Variants in SCD5 observed in about 807,000 individuals in gnomAD.
SCD5 encodes acyl-CoA-desaturase 4.
A neutral mutation model predicts 30.4 loss-of-function variants in SCD5; 20 were observed. The ratio of observed to expected loss-of-function variants is 0.66; its 90% CI spans 0.46 to 0.96. The LOEUF is 0.96. Ranked by LOEUF, SCD5 falls within the 40% of genes least tolerant of loss-of-function variation. SCD5 has a pLI of 0.00. For missense variants in SCD5, 381 were observed against 443.3 expected (o/e 0.86, Z 1.26); for synonymous variants, 173 against 176.4 (o/e 0.98, Z 0.16).
At chr4:82,734,482 T>C (rs1421756452) in intron 1 of SCD5, among the ~76,000 whole-genome samples, 2 of 152,216 alleles carry the variant, frequency 1.3e-5, no homozygotes, top group Admixed American at 6.5e-5. Context: ...TGTGCTATTC[T>C]AGCTTGTGTT....
Position 82,798,792 on chromosome 4 carries a change from G to T in SCD5, c.-255C>A, listed in dbSNP as rs575220472. The T allele has an allele frequency of 4.8e-5, 21 of 436,270 alleles. No individual in the cohort carries two copies. The highest frequency in any genetic ancestry group is 5.9e-4 in the Middle Eastern group (1 of 1,682). The allele number at this position is 436,270 out of a possible 1,614,324, so 27.0% of individuals were successfully genotyped here. On this transcript the variant is annotated 5_prime_UTR_variant, in exon 1 of 5. Transcript: ENST00000319540. ...ATGGCTGCCCGGGCTGAACTCGGCC[G>T]CGAGAAAGAGGAGGCGCGCGCGGGG...
At chr4:82,730,667 G>A (rs1289916889) in intron 1 of SCD5, among the ~76,000 whole-genome samples, 1 of 135,926 alleles carries the variant, frequency 7.4e-6, no homozygotes, top group Non-Finnish European at 1.5e-5. Flanking sequence ...CTCACTGCAT[G>A]CTCTGCCTCC....
intron 2 of SCD5, among the ~76,000 whole-genome samples, chr4:82,700,787 T>TAA (rs70938305): frequency 3.0e-4 from 19 of 63,802 alleles, no homozygotes; most frequent in South Asian, 8.2e-4. Context: ...ACCCTGTCTC[T>TAA]AAAAAAAAAA....
intron 1 of SCD5, among the ~76,000 whole-genome samples, chr4:82,707,122 A>G (rs887303778): frequency 1.3e-5 from 2 of 152,248 alleles, no homozygotes; most frequent in Non-Finnish European, 2.9e-5. Context: ...GATGCTTACT[A>G]GCTGCATCTG....
In SCD5 at chr4:82,756,814, C is replaced by T. The variant is rs575949062; in HGVS notation, c.232+41492G>A. Among the ~76,000 whole-genome samples the T allele has an allele frequency of 2.2e-4, 34 of 152,236 alleles. No homozygotes were observed. In the South Asian group the frequency reaches 6.6e-3, roughly 30 times the overall value. ...TCTCCTTGTCTGTAGTCTTGCCCCC[C>T]TCAAATCCATCCTCCATAGAGCCAC... is the stretch of plus-strand genomic sequence containing the variant. On this transcript the variant is annotated intron_variant, in intron 1 of 4. Transcript: ENST00000319540.
rs1720122902 is a variant in SCD5, at chr4:82,712,291, TA to T, written c.233-6879del. On this transcript the variant is annotated intron_variant, in intron 1 of 4. Transcript: ENST00000319540. ...ATATATATATATATATATATATATA[TA>T]TATATTTTATTTTTATTTTATTTTT... Among the ~76,000 whole-genome samples the T allele has an allele frequency of 2.6e-4, 12 of 46,952 alleles. 1 individual carries two copies. The highest frequency in any genetic ancestry group is 4.5e-4 in the Non-Finnish European group (11 of 24,392). The allele number at this position is 46,952 out of a possible 152,430, so 30.8% of individuals were successfully genotyped here. A position where few individuals can be genotyped will look rare whatever the true frequency, so the allele number is the denominator to read the frequency against.
chr4:82,783,876 C>A, intron 1 of SCD5, among the ~76,000 whole-genome samples: 1 of 150,820 alleles, frequency 6.6e-6, no homozygotes, highest in African/African-American at 2.4e-5. Flanking sequence ...AAGAAATGTC[C>A]AGATTTTGAT....
intron 3 of SCD5, among the ~76,000 whole-genome samples, chr4:82,647,506 A>G (rs566391749): frequency 1.3e-5 from 2 of 152,322 alleles, no homozygotes; most frequent in South Asian, 4.1e-4. Context: ...GGTAAAAATG[A>G]ACAGGCTGAT....
intron 2 of SCD5, among the ~76,000 whole-genome samples, chr4:82,683,120 G>A (rs552288963): frequency 5.9e-5 from 9 of 152,288 alleles, no homozygotes; most frequent in Middle Eastern, 3.4e-3. Context: ...GTTCAGCTTT[G>A]AATATAAAGA....
chr4:82,631,636 A>C, intron 4 of SCD5, 119 bp from the exon 5 acceptor site: 1 of 1,045,944 alleles, frequency 9.6e-7, no homozygotes, highest in Non-Finnish European at 1.4e-6. Flanking sequence ...CTCTGTGAGG[A>C]GCAAAAGACT....
At chr4:82,743,875 C>T (rs1440418082) in intron 1 of SCD5, among the ~76,000 whole-genome samples, 1 of 151,734 alleles carries the variant, frequency 6.6e-6, no homozygotes, top group East Asian at 2.0e-4. Context: ...CTATGACCCA[C>T]GCTGGGTTGC....
intron 1 of SCD5, among the ~76,000 whole-genome samples, chr4:82,787,543 T>C (rs1380348834): frequency 1.3e-5 from 2 of 152,208 alleles, no homozygotes; most frequent in African/African-American, 2.4e-5. Context: ...TCTGTTTCAT[T>C]TGGCTCTTTT....
intron 2 of SCD5, chr4:82,692,202 G>T: frequency 1.3e-5 from 2 of 157,658 alleles, no homozygotes; most frequent in South Asian, 3.6e-4. Flanking sequence ...TGGCCATGCT[G>T]ACCGACGCCA....
At chr4:82,682,684 T>C (rs1459265347) in intron 2 of SCD5, among the ~76,000 whole-genome samples, 1 of 152,226 alleles carries the variant, frequency 6.6e-6, no homozygotes, top group Non-Finnish European at 1.5e-5. Flanking sequence ...TCTTGCTCTA[T>C]TGCCCAGGCT....
intron 1 of SCD5, among the ~76,000 whole-genome samples, chr4:82,736,505 G>A (rs1437113700): frequency 2.0e-5 from 3 of 151,910 alleles, no homozygotes; most frequent in Non-Finnish European, 4.4e-5. Flanking sequence ...CTACTCAGGA[G>A]GCTGAGGCAG....
At chr4:82,748,044 A>G (rs1721029790) in intron 1 of SCD5, among the ~76,000 whole-genome samples, 1 of 152,232 alleles carries the variant, frequency 6.6e-6, no homozygotes, top group East Asian at 1.9e-4. Flanking sequence ...GATTTAAGTG[A>G]AAGCTTTTGT....
intron 3 of SCD5, among the ~76,000 whole-genome samples, chr4:82,642,208 C>T (rs1260446140): frequency 6.6e-6 from 1 of 152,080 alleles, no homozygotes; most frequent in Non-Finnish European, 1.5e-5. Flanking sequence ...TGGGCCTTCC[C>T]CACAGCCACA....
intron 1 of SCD5, among the ~76,000 whole-genome samples, chr4:82,756,031 G>T (rs1464166869): frequency 6.6e-6 from 1 of 152,234 alleles, no homozygotes; most frequent in South Asian, 2.1e-4. Context: ...TAGTGTTGGT[G>T]TAGAGGCCCT....
chr4:82,695,459 G>A (rs1047645917), intron 2 of SCD5, among the ~76,000 whole-genome samples: 2 of 152,116 alleles, frequency 1.3e-5, no homozygotes, highest in African/African-American at 4.8e-5. Flanking sequence ...AGAACTGAAG[G>A]GATTGGCTTA....
Sources: allele counts gnomAD v4.1 joint callset (sites outside exome capture counted in the v4.1 genomes callset), GRCh38; gene constraint gnomAD v4.1.1; transcripts MANE v1.5; gene names NCBI Gene and HGNC (gene_info 2026-07-23, HGNC 2026-07-21).